TTF1: variants seen among roughly 807,000 people sequenced by gnomAD.
TTF1 encodes the protein transcription termination factor, RNA polymerase I.
A neutral mutation model predicts 80.2 loss-of-function variants in TTF1; 64 were observed. The ratio of observed to expected loss-of-function variants is 0.80; its 90% confidence interval spans 0.65 to 0.98. The LOEUF (loss-of-function observed/expected upper bound fraction) is 0.98. TTF1 is among the 50% of genes least tolerant of loss of function. TTF1 has a pLI of 0.00. For synonymous variants in TTF1, 372 were observed against 382.7 expected, an observed-to-expected ratio of 0.97 and a Z score of 0.33; for missense variants, 1,023 against 1,086.2, an observed-to-expected ratio of 0.94 and a Z score of 0.82.
rs777918882 is a variant in TTF1 at position 132,375,989 on chromosome 9, C to T, written c.2644G>A (p.Glu882Lys). The change falls in exon 11 of 11, where the codon GAA becomes AAA. Residue 882 changes from glutamate (E) to lysine (K), a missense_variant. By Grantham distance (56) the Glu-to-Lys change is moderately conservative. Coordinates refer to ENST00000334270, the MANE Select transcript of TTF1 (RefSeq NM_007344.4). The stretch of plus-strand genomic sequence containing the variant: ...TGAGCCATGCATGGCGCCTGGCCTT[C>T]GCTTTCTTTTTCTATGTCCTCTCCT... ...SEGEDIEKES[E>K]GQAPCMAHAC... 4.3e-6 allele frequency: 7 copies of T among 1,613,796 alleles called. No individual in the cohort carries two copies. Among genetic ancestry groups the T allele is most frequent in the Non-Finnish European group, 5.9e-6 (7 of 1,179,984 alleles).
chr9:132,377,583 G>GTA lies in TTF1; in HGVS notation c.2465-1416_2465-1415insTA, dbSNP rs1849232971. 1.8e-4 allele frequency among the ~76,000 whole-genome samples: 5 copies of GTA among 27,532 alleles called. No individual in the cohort carries two copies. The South Asian group carries it at 0.016, about 86-fold the overall frequency. 18.1% of individuals were successfully genotyped at this position (27,532 alleles called of 152,430 possible). A position where few individuals can be genotyped will look rare whatever the true frequency, so the allele number is the denominator to read the frequency against. ...TGCATGTGGTGAGTGCATGTGGTGTGTGTGAGTGCATGTGGTGTGTGTGTG... is the reference window on the plus strand; with the variant it reads ...TGCATGTGGTGAGTGCATGTGGTGTGTATGTGAGTGCATGTGGTGTGTGTGTG... On this transcript the variant is annotated intron_variant, in intron 10 of 10. Coordinates refer to ENST00000334270, the MANE Select transcript of TTF1 (RefSeq NM_007344.4).
In TTF1 at chr9:132,401,497, G is replaced by T. The variant is rs1399490933; in HGVS notation, c.1325C>A (p.Thr442Asn). ...GTGCTTGCTTGCCAAACAGGCCTGGGTTTTCTTTTGTCGGGGCCTAGATTT... is the reference window on the plus strand; with the variant it reads ...GTGCTTGCTTGCCAAACAGGCCTGGTTTTTCTTTTGTCGGGGCCTAGATTT... The part of the protein sequence containing the change: ...GVKSRPRQKK[T>N]QACLASKHVQ... The change falls in exon 2 of 11, where the codon ACC becomes AAC. Residue 442 changes from threonine (T) to asparagine (N), a missense_variant. By Grantham distance (65) the Thr-to-Asn change is moderately conservative. Coordinates refer to ENST00000334270, the MANE Select transcript of TTF1 (RefSeq NM_007344.4). 3.7e-6 allele frequency: 6 copies of T among 1,613,988 alleles called. No individual in the cohort carries two copies. Among genetic ancestry groups the T allele is most frequent in the Non-Finnish European group, 5.1e-6 (6 of 1,179,954 alleles).
Position 132,390,634 on chromosome 9 carries a change from C to T in TTF1, c.2185G>A (p.Val729Met). The T allele has an allele frequency of 6.2e-7, 1 of 1,614,214 alleles. No individual in the cohort carries two copies. Among genetic ancestry groups the T allele is most frequent in the Non-Finnish European group, 8.5e-7 (1 of 1,180,052 alleles). ...CACTGCATCCAATTTCTGGTTTGCA[C>T]TTTAGCTTCTACTTCTACCCAAGAT... ...GISWVEVEAK[V>M]QTRNWMQCKS... The change falls in exon 7 of 11, where the codon GTG becomes ATG. Residue 729 changes from valine to methionine, a missense_variant. Physicochemically the swap from Val to Met is conservative, Grantham distance 21 (BLOSUM62 1). Transcript: ENST00000334270.
At chr9:132,386,496 T>G in intron 9 of TTF1, 60 bp downstream of exon 9, 1 of 1,288,178 alleles carries the variant, frequency 7.8e-7, no homozygotes, top group Non-Finnish European at 1.1e-6. Flanking sequence ...TAGGGAGTTA[T>G]TGTATTTATT....
At chr9:132,405,121 T>C (rs1849842011) in intron 1 of TTF1, among the ~76,000 whole-genome samples, 2 of 152,210 alleles carry the variant, frequency 1.3e-5, no homozygotes, top group Non-Finnish European at 2.9e-5. Flanking sequence ...TCTCCTGACC[T>C]TGTGATCCAA....
intron 4 of TTF1, among the ~76,000 whole-genome samples, chr9:132,397,408 C>T (rs1849671488): frequency 6.6e-6 from 1 of 152,128 alleles, no homozygotes; most frequent in Admixed American, 6.5e-5. Flanking sequence ...CGCTCTGATC[C>T]CATATGACAG....
chr9:132,394,022 A>G (rs889592536), intron 5 of TTF1, among the ~76,000 whole-genome samples: 3 of 151,820 alleles, frequency 2.0e-5, no homozygotes, highest in Non-Finnish European at 4.4e-5. Flanking sequence ...CCTGGGATCA[A>G]GCGATCCTCC....
chr9:132,406,626 C>G (rs1017895854), intron 1 of TTF1, among the ~76,000 whole-genome samples, 164 bp downstream of exon 1: 12 of 147,650 alleles, frequency 8.1e-5, no homozygotes, highest in African/African-American at 3.0e-4. Flanking sequence ...AAAAAACACC[C>G]AAGCCTCAGT....
At chr9:132,400,667 T>G (rs1849743617) in intron 2 of TTF1, among the ~76,000 whole-genome samples, 1 of 152,154 alleles carries the variant, frequency 6.6e-6, no homozygotes, top group Admixed American at 6.5e-5. Context: ...ACTAGAATAT[T>G]AAAGCAAGAT....
rs1238133548 is a variant in TTF1 at position 132,401,466 on chromosome 9, T to C, written c.1356A>G (p.Gln452=). 6.8e-6 allele frequency: 11 copies of C among 1,610,128 alleles called. No individual in the cohort carries two copies. Among genetic ancestry groups the C allele is most frequent in the African/African-American group, 2.7e-5 (2 of 74,658 alleles). Residue 452 remains glutamine, a synonymous_variant, in exon 2 of 11, where the codon CAA becomes CAG. Coordinates refer to ENST00000334270, the MANE Select transcript of TTF1 (RefSeq NM_007344.4). ...CACTCCCTCGTTACCTTGGCGCCTC[T>C]TGCACGTGCTTGCTTGCCAAACAGG... The part of the protein sequence containing the change: ...TQACLASKHV[Q]EAPRLEPANE...
Position 132,401,699 on chromosome 9 carries a change from C to T in TTF1, c.1123G>A (p.Ala375Thr), listed in dbSNP as rs1440947056. 6.2e-7 allele frequency: 1 copy of T among 1,614,132 alleles called. No individual in the cohort carries two copies. The highest frequency in any genetic ancestry group is 1.3e-5 in the African/African-American group (1 of 74,948). ...SEVGTVEGST[A>T]LKGFKESNST... ...TTGGATTCCTTGAACCCTTTAAGAG[C>T]TGTACTGCCTTCCACAGTCCCAACC... Residue 375 changes from alanine (A) to threonine (T), a missense_variant, in exon 2 of 11, where the codon GCT becomes ACT. Transcript: ENST00000334270.
chr9:132,398,617 T>C (rs1002017308), intron 3 of TTF1, among the ~76,000 whole-genome samples: 3 of 152,172 alleles, frequency 2.0e-5, no homozygotes, highest in African/African-American at 7.2e-5. Context: ...TCTTTAGAGA[T>C]AGGGTCTTGC....
chr9:132,401,775 C>G lies in TTF1; in HGVS notation c.1047G>C (p.Met349Ile), dbSNP rs1398770408. ...GGTATGCACTCTCGAGGCTCTCAGG[C>G]ATGGCCACTGCCTCAAATTCCTGGT... ...SNHQEFEAVA[M>I]PESLESAYPE... Residue 349 changes from methionine to isoleucine, a missense_variant, in exon 2 of 11, where the codon ATG (methionine) becomes ATC (isoleucine). By Grantham distance (10) the Met-to-Ile change is conservative (BLOSUM62 1). Transcript: ENST00000334270. 4 of 1,614,084 alleles carry G rather than the reference C, an allele frequency of 2.5e-6. No individual in the cohort carries two copies. Among genetic ancestry groups the G allele is most frequent in the Non-Finnish European group, 3.4e-6 (4 of 1,180,056 alleles).
chr9:132,399,920 G>A, intron 3 of TTF1, 115 bp downstream of exon 3: 7 of 1,103,416 alleles, frequency 6.3e-6, no homozygotes, highest in Non-Finnish European at 8.0e-6. Flanking sequence ...TAGAGGTGAA[G>A]GAGGAGAAAG....
At chr9:132,404,099 G>A (rs1447936410) in intron 1 of TTF1, among the ~76,000 whole-genome samples, 1 of 152,020 alleles carries the variant, frequency 6.6e-6, no homozygotes, top group African/African-American at 2.4e-5. Context: ...ATTTATCTTT[G>A]GCTAAATGAC....
At chr9:132,397,172 A>G (rs1589824824) in intron 4 of TTF1, among the ~76,000 whole-genome samples, 1 of 152,240 alleles carries the variant, frequency 6.6e-6, no homozygotes, top group East Asian at 1.9e-4. Context: ...GAGGCAAAGT[A>G]GTTTTAAGAT....
intron 5 of TTF1, among the ~76,000 whole-genome samples, chr9:132,392,593 G>A (rs1463126280): frequency 6.6e-6 from 1 of 151,372 alleles, no homozygotes; most frequent in Non-Finnish European, 1.5e-5. Context: ...AGTCCCCGTT[G>A]ATTGCTCCTG....
intron 8 of TTF1, among the ~76,000 whole-genome samples, chr9:132,386,873 T>C (rs1316139421): frequency 7.2e-5 from 11 of 152,224 alleles, no homozygotes; most frequent in Admixed American, 6.5e-5. Flanking sequence ...CAACAAACCA[T>C]GTTGCTTTCT....
At chr9:132,395,020 C>T (rs1430139812) in intron 5 of TTF1, among the ~76,000 whole-genome samples, 2 of 151,892 alleles carry the variant, frequency 1.3e-5, no homozygotes, top group African/African-American at 2.4e-5. Flanking sequence ...GGTGAAACCC[C>T]GTCTCTACGA....
Sources: gnomAD v4.1 joint callset for allele counts (sites outside exome capture counted in the v4.1 genomes callset) on GRCh38, gnomAD v4.1.1 for gene constraint, MANE v1.5 for transcripts, NCBI Gene and HGNC (gene_info 2026-07-23, HGNC 2026-07-21) for gene names.